The following FNDC3A variants were observed in gnomAD, a reference collection of about 807,000 sequenced individuals.
The protein encoded by FNDC3A is fibronectin type-III domain-containing protein 3A.
Under a neutral mutation model 148.9 loss-of-function variants are expected in FNDC3A, and 32 were observed. The ratio of observed to expected loss-of-function variants is 0.21; its 90% CI spans 0.16 to 0.29. The LOEUF (loss-of-function observed/expected upper bound fraction) is 0.29. Among genes scored for constraint, FNDC3A ranks in the 10% least tolerant of loss-of-function variants. FNDC3A has a pLI of 1.00. For missense variants in FNDC3A, 1,191 were observed against 1,452.8 expected, an observed-to-expected ratio of 0.82 and a Z score of 2.93; for synonymous variants, 472 against 473.6, an observed-to-expected ratio of 1.00 and a Z score of 0.04.
intron 3 of FNDC3A, among the ~76,000 whole-genome samples, chr13:49,098,931 T>G (rs1879694796): frequency 6.6e-6 from 1 of 152,146 alleles, no homozygotes; most frequent in Admixed American, 6.6e-5. Context: ...ACTTCCTTAT[T>G]CTGTTCCCAA....
At chr13:49,165,779 G>A (rs1884422736) in intron 8 of FNDC3A, among the ~76,000 whole-genome samples, 1 of 152,180 alleles carries the variant, frequency 6.6e-6, no homozygotes, top group Non-Finnish European at 1.5e-5. Context: ...TAACCTCTGG[G>A]TTCCAAGCAG....
intron 2 of FNDC3A, among the ~76,000 whole-genome samples, chr13:49,011,363 G>A (rs906388957): frequency 9.9e-5 from 15 of 151,848 alleles, no homozygotes; most frequent in African/African-American, 3.6e-4. Context: ...CCTCCCAAGT[G>A]GCGGAGATCA....
intron 1 of FNDC3A, among the ~76,000 whole-genome samples, chr13:48,993,222 T>C (rs1044789975): frequency 6.6e-6 from 1 of 152,212 alleles, no homozygotes; most frequent in Non-Finnish European, 1.5e-5. Flanking sequence ...TTATTATCAG[T>C]TAGTACTTAA....
chr13:49,103,224 A>G (rs975320505), intron 3 of FNDC3A, among the ~76,000 whole-genome samples: 2 of 152,250 alleles, frequency 1.3e-5, no homozygotes, highest in Non-Finnish European at 1.5e-5. Flanking sequence ...AGCTGAGTCC[A>G]TGTTCTTCAT....
intron 3 of FNDC3A, chr13:49,110,392 A>G: frequency 6.2e-7 from 1 of 1,607,986 alleles, no homozygotes. Flanking sequence ...TGCTACTGTA[A>G]AAACGAAATG....
At chr13:49,013,482 A>G (rs1334984125) in intron 2 of FNDC3A, among the ~76,000 whole-genome samples, 2 of 150,378 alleles carry the variant, frequency 1.3e-5, no homozygotes, top group Non-Finnish European at 3.0e-5. Context: ...ACACGTGTAT[A>G]CATGTATATA....
intron 3 of FNDC3A, among the ~76,000 whole-genome samples, chr13:49,093,228 C>A (rs900722269): frequency 6.6e-6 from 1 of 152,142 alleles, no homozygotes; most frequent in African/African-American, 2.4e-5. Flanking sequence ...GTAGCACTTA[C>A]AACTGCCCCA....
At chr13:49,157,806 G>C (rs1302617745) in intron 8 of FNDC3A, among the ~76,000 whole-genome samples, 2 of 130,790 alleles carry the variant, frequency 1.5e-5, no homozygotes, top group African/African-American at 5.9e-5. Flanking sequence ...TGCCCCTGCT[G>C]GGGGGTGCCT....
intron 4 of FNDC3A, among the ~76,000 whole-genome samples, chr13:49,118,676 C>T (rs1164958025): frequency 3.9e-5 from 6 of 152,124 alleles, no homozygotes; most frequent in African/African-American, 9.7e-5. Flanking sequence ...GGGGGAGGGG[C>T]GTCTGCCATT....
chr13:49,054,853 T>A (rs1396471632), intron 2 of FNDC3A, among the ~76,000 whole-genome samples: 1 of 152,228 alleles, frequency 6.6e-6, no homozygotes, highest in Non-Finnish European at 1.5e-5. Flanking sequence ...ATTTTATATT[T>A]ATATTTGGAT....
Position 49,073,661 on chromosome 13 carries a change from G to GTA in FNDC3A, c.100-1617_100-1616dup, listed in dbSNP as rs1383958757. 1.9e-3 allele frequency among the ~76,000 whole-genome samples: 271 copies of GTA among 145,588 alleles called. 1 individual carries two copies. Among genetic ancestry groups the GTA allele is most frequent in the East Asian group, 5.7e-3 (29 of 5,076 alleles). On this transcript the variant is annotated intron_variant, in intron 2 of 25. Transcript: ENST00000492622. ...ATCCCCAAGATATCTCATTTCATAT[G>GTA]TATATATATATACACACATATATAA...
intron 3 of FNDC3A, among the ~76,000 whole-genome samples, chr13:49,081,190 C>A (rs546098428): frequency 6.6e-6 from 1 of 152,060 alleles, no homozygotes; most frequent in Non-Finnish European, 1.5e-5. Flanking sequence ...ATGGGGCTAA[C>A]GAGTAAGAAT....
At chr13:49,132,852 G>C (rs530776214) in intron 5 of FNDC3A, among the ~76,000 whole-genome samples, 1 of 152,232 alleles carries the variant, frequency 6.6e-6, no homozygotes, top group Non-Finnish European at 1.5e-5. Context: ...ACTGAACTTT[G>C]TATCTTTCAC....
intron 8 of FNDC3A, among the ~76,000 whole-genome samples, chr13:49,152,538 T>C (rs1403516555): frequency 6.6e-6 from 1 of 152,176 alleles, no homozygotes; most frequent in Non-Finnish European, 1.5e-5. Flanking sequence ...TACTTTAAGT[T>C]TTAGGGTGTA....
intron 3 of FNDC3A, among the ~76,000 whole-genome samples, chr13:49,076,052 A>G (rs1358725846): frequency 5.3e-5 from 8 of 152,030 alleles, no homozygotes; most frequent in Non-Finnish European, 1.2e-4. Context: ...ACAAACAGAA[A>G]AGTCTCTGGA....
At chr13:49,020,734 C>A (rs1325355248) in intron 2 of FNDC3A, among the ~76,000 whole-genome samples, 1 of 152,192 alleles carries the variant, frequency 6.6e-6, no homozygotes, top group Non-Finnish European at 1.5e-5. Flanking sequence ...GCAAGTAATG[C>A]ATTATTTCAT....
chr13:48,982,126 T>C (rs764790978), intron 1 of FNDC3A, among the ~76,000 whole-genome samples: 1 of 152,162 alleles, frequency 6.6e-6, no homozygotes, highest in Non-Finnish European at 1.5e-5. Context: ...ATACAGCAAC[T>C]ACTTTTGTTG....
intron 1 of FNDC3A, among the ~76,000 whole-genome samples, chr13:49,005,156 T>A (rs545581733): frequency 6.6e-6 from 1 of 151,880 alleles, no homozygotes; most frequent in Non-Finnish European, 1.5e-5. Flanking sequence ...TCATAGTAGT[T>A]GTTATATAGC....
intron 1 of FNDC3A, among the ~76,000 whole-genome samples, chr13:48,981,363 C>T (rs1481802110): frequency 1.3e-5 from 2 of 151,974 alleles, no homozygotes; most frequent in Non-Finnish European, 2.9e-5. Flanking sequence ...TAATATCTAT[C>T]CTGTTTTCCT....
Sources: gnomAD v4.1 joint callset for allele counts (sites outside exome capture counted in the v4.1 genomes callset) on GRCh38, gnomAD v4.1.1 for gene constraint, MANE v1.5 for transcripts, NCBI Gene and HGNC (gene_info 2026-07-23, HGNC 2026-07-21) for gene names.